CDC5L: variants seen among roughly 807,000 people sequenced by gnomAD.
CDC5L encodes cell division cycle 5-like protein.
Under a neutral mutation model 104.1 loss-of-function variants are expected in CDC5L, and 18 were observed. The observed-to-expected ratio is 0.17, with a 90% CI of 0.12 to 0.26. The LOEUF is 0.26. Among genes scored for constraint, CDC5L ranks in the 10% least tolerant of loss-of-function variants. The pLI, the probability that CDC5L is intolerant of heterozygous loss-of-function variation, is 1.00. For synonymous variants in CDC5L, 331 were observed against 322.7 expected, an observed-to-expected ratio of 1.03 and a Z score of -0.28; for missense variants, 673 against 956.9, an observed-to-expected ratio of 0.70 and a Z score of 3.91.
In CDC5L at chr6:44,390,255, CA is replaced by C. The variant is rs771236049; in HGVS notation, c.46-11del. 4.4e-6 allele frequency: 7 copies of C among 1,587,608 alleles called. No homozygotes were observed. In the South Asian group the frequency reaches 4.4e-5, roughly 10 times the overall value. On this transcript the variant is annotated splice_polypyrimidine_tract_variant and intron_variant, in intron 1 of 15. Coordinates refer to ENST00000371477, the MANE Select transcript of CDC5L (RefSeq NM_001253.4). ...TTTTGTGACTGAATGTACTCTTTGG[CA>C]ATTTTTTTTAGGATGAAATTCTGAA...
Position 44,426,620 on chromosome 6 carries a change from A to G in CDC5L, c.1789A>G (p.Asn597Asp). The G allele has an allele frequency of 1.9e-6, 3 of 1,613,680 alleles. No homozygotes were observed. Among genetic ancestry groups the G allele is most frequent in the Non-Finnish European group, 2.5e-6 (3 of 1,179,772 alleles). ...LLHHPYEPSG[N>D]KKGKTVGFGT... ...ACATCACCCTTATGAACCATCTGGA[A>G]ATAAAAAAGGCAAAACTGTAGGGTT... The change falls in exon 13 of 16, where the codon AAT becomes GAT. Residue 597 changes from asparagine to aspartate, a missense_variant. This residue lies in a region of CDC5L where 578 missense variants were observed against 737.0 expected (regional missense o/e 0.78). Coordinates refer to ENST00000371477, the MANE Select transcript of CDC5L (RefSeq NM_001253.4).
intron 14 of CDC5L, among the ~76,000 whole-genome samples, chr6:44,436,245 T>A (rs1273481793): frequency 6.6e-6 from 1 of 152,230 alleles, no homozygotes; most frequent in Non-Finnish European, 1.5e-5. Flanking sequence ...ATACTTGGTT[T>A]GATACTATGA....
Position 44,446,806 on chromosome 6 carries a change from C to T in CDC5L, c.*95C>T, listed in dbSNP as rs534025095. 1.3e-4 allele frequency: 81 copies of T among 630,768 alleles called. No individual in the cohort carries two copies. The highest frequency in any genetic ancestry group is 1.1e-3 in the African/African-American group (61 of 53,474). The allele number at this position is 630,768 out of a possible 1,614,324, so 39.1% of individuals were successfully genotyped here. On this transcript the variant is annotated 3_prime_UTR_variant, in exon 16 of 16. Transcript: ENST00000371477. ...TGTTTATCTTCATTGACAAATTTAC[C>T]CACCATCTGTGGTTTTTCAGTTGTT...
chr6:44,401,877 T>A (rs1299635152), intron 5 of CDC5L, among the ~76,000 whole-genome samples: 1 of 146,630 alleles, frequency 6.8e-6, no homozygotes, highest in Non-Finnish European at 1.5e-5. Flanking sequence ...ATTGTTCAGT[T>A]CCCACCTATG....
rs1378521241 is a variant in CDC5L, at chr6:44,449,641, TGAAA to T, written c.*2935_*2938del. On this transcript the variant is annotated 3_prime_UTR_variant, in exon 16 of 16. Transcript: ENST00000371477. ...ATAGAAATAAAATGTGATAAAAAGC[TGAAA>T]GAAACCACCACAAGGGAGAGTCCTT... 5 of 152,062 alleles carry T rather than the reference TGAAA, an allele frequency of 3.3e-5. No individual in the cohort carries two copies. The East Asian group carries it at 9.6e-4, about 29-fold the overall frequency. The allele number at this position is 152,062 out of a possible 1,614,324, so 9.4% of individuals were successfully genotyped here. A position where few individuals can be genotyped will look rare whatever the true frequency, so the allele number is the denominator to read the frequency against.
At chr6:44,391,139 T>G (rs9395013) in intron 2 of CDC5L, among the ~76,000 whole-genome samples, 1 of 141,886 alleles carries the variant, frequency 7.0e-6, no homozygotes, top group East Asian at 1.9e-4. Flanking sequence ...ATGTTATATA[T>G]TATATATTAA....
At chr6:44,398,168 A>G (rs928360539) in intron 5 of CDC5L, among the ~76,000 whole-genome samples, 1 of 152,164 alleles carries the variant, frequency 6.6e-6, no homozygotes, top group Non-Finnish European at 1.5e-5. Context: ...ATTTGGGGGT[A>G]TTAGCTGCCG....
intron 8 of CDC5L, among the ~76,000 whole-genome samples, chr6:44,414,168 T>G (rs939955528): frequency 1.3e-5 from 2 of 151,986 alleles, no homozygotes; most frequent in Non-Finnish European, 2.9e-5. Flanking sequence ...CAGACTCAAC[T>G]TCTCTGGTTC....
rs769674123 is a variant in CDC5L, at chr6:44,426,741, A to C, written c.1893+17A>C. ...CTGAAAAAGGTATGATTGAGCTGGA[A>C]TATTTCTTCTTGAGATTTAGGTAGT... On this transcript the variant is annotated intron_variant, in intron 13 of 15. Coordinates refer to ENST00000371477, the MANE Select transcript of CDC5L (RefSeq NM_001253.4). The C allele has an allele frequency of 1.6e-5, 25 of 1,609,346 alleles. No homozygotes were observed. The highest frequency in any genetic ancestry group is 2.1e-5 in the Non-Finnish European group (25 of 1,177,734).
chr6:44,424,390 A>AT, intron 10 of CDC5L, 29 bp from the exon 11 acceptor site: 4 of 1,598,712 alleles, frequency 2.5e-6, no homozygotes, highest in Non-Finnish European at 3.4e-6. Flanking sequence ...AATATGCATG[A>AT]ATTGAGAAGG....
chr6:44,415,687 A>C (rs577056389), intron 8 of CDC5L, among the ~76,000 whole-genome samples: 1 of 152,156 alleles, frequency 6.6e-6, no homozygotes, highest in African/African-American at 2.4e-5. Context: ...TCTTGCACAC[A>C]TCATTCTGTC....
Position 44,449,080 on chromosome 6 carries a change from A to G in CDC5L, c.*2369A>G, listed in dbSNP as rs1793556134. 1 of 152,220 alleles carries G rather than the reference A, an allele frequency of 6.6e-6. No homozygotes were observed. Among genetic ancestry groups the G allele is most frequent in the South Asian group, 2.1e-4 (1 of 4,832 alleles). The allele number at this position is 152,220 out of a possible 1,614,324, so 9.4% of individuals were successfully genotyped here. On this transcript the variant is annotated 3_prime_UTR_variant, in exon 16 of 16. Coordinates refer to ENST00000371477, the MANE Select transcript of CDC5L (RefSeq NM_001253.4). ...TTTAAAGGATTTATAGTTTATTTGCACTTTTTGTAGACTTGAATTATATGG... is the reference window on the plus strand; with the variant it reads ...TTTAAAGGATTTATAGTTTATTTGCGCTTTTTGTAGACTTGAATTATATGG...
chr6:44,413,793 C>T (rs1791773841), intron 8 of CDC5L, among the ~76,000 whole-genome samples: 1 of 152,128 alleles, frequency 6.6e-6, no homozygotes, highest in African/African-American at 2.4e-5. Flanking sequence ...CTGTGTCGCC[C>T]AGGCTGGTCT....
At chr6:44,442,081 C>T (rs968092693) in intron 14 of CDC5L, among the ~76,000 whole-genome samples, 8 of 151,712 alleles carry the variant, frequency 5.3e-5, no homozygotes, top group African/African-American at 1.9e-4. Flanking sequence ...GGACTACAGG[C>T]GCCCGCTACC....
chr6:44,396,699 A>G (rs1790885590), intron 5 of CDC5L, among the ~76,000 whole-genome samples: 1 of 152,070 alleles, frequency 6.6e-6, no homozygotes, highest in African/African-American at 2.4e-5. Context: ...TGCTGACCCT[A>G]AACCCCAGGT....
At position 44,445,813 on chromosome 6, in the gene CDC5L, C is replaced by T. The variant is rs374921478; in HGVS notation, c.2250C>T (p.Arg750=). 17 of 1,613,868 alleles carry T rather than the reference C, an allele frequency of 1.1e-5. No homozygotes were observed. Among genetic ancestry groups the T allele is most frequent in the South Asian group, 6.6e-5 (6 of 91,078 alleles). ...TTGAACAGGCTCACTTGGAGTTACG[C>T]ACTTTTGAAGAACTCAAGAAACATG... The part of the protein sequence containing the change: ...DQIEQAHLEL[R]TFEELKKHED... The change falls in exon 15 of 16, where the codon CGC becomes CGT. Residue 750 remains arginine (R), a synonymous_variant. Transcript: ENST00000371477.
intron 14 of CDC5L, among the ~76,000 whole-genome samples, chr6:44,440,074 A>C (rs1395820085): frequency 1.3e-5 from 2 of 152,214 alleles, no homozygotes; most frequent in Admixed American, 6.5e-5. Flanking sequence ...TTATTGTTCA[A>C]GTAAATTGCA....
intron 4 of CDC5L, among the ~76,000 whole-genome samples, chr6:44,394,197 C>T (rs970303545): frequency 2.0e-5 from 3 of 152,058 alleles, no homozygotes; most frequent in African/African-American, 7.2e-5. Context: ...GGAGGCCAGT[C>T]TGGGCAACAT....
At position 44,449,786 on chromosome 6, in the gene CDC5L, T is replaced by A. The variant is rs1292028385; in HGVS notation, c.*3075T>A. ...CCATGCATCCTCCCTAGAAATGCAT[T>A]TGAATTTGATTTACTAATCTTTTAT... On this transcript the variant is annotated 3_prime_UTR_variant, in exon 16 of 16. Transcript: ENST00000371477. 6.6e-6 allele frequency: 1 copy of A among 152,148 alleles called. No individual in the cohort carries two copies. Among genetic ancestry groups the A allele is most frequent in the Admixed American group, 6.5e-5 (1 of 15,282 alleles). The allele number at this position is 152,148 out of a possible 1,614,324, so 9.4% of individuals were successfully genotyped here.
Sources: allele counts gnomAD v4.1 joint callset (sites outside exome capture counted in the v4.1 genomes callset), GRCh38; gene constraint gnomAD v4.1.1; regional missense constraint gnomAD v4.1.1; transcripts MANE v1.5; gene names NCBI Gene and HGNC (gene_info 2026-07-23, HGNC 2026-07-21).